The following KSR2 variants were observed in gnomAD, a reference collection of about 807,000 sequenced individuals.
KSR2 encodes kinase suppressor of ras 2.
In KSR2, 25 loss-of-function variants were observed where a neutral mutation model predicts 107.8. The ratio of observed to expected loss-of-function variants is 0.23; its 90% CI spans 0.17 to 0.32. The LOEUF (loss-of-function observed/expected upper bound fraction) is 0.32. Ranked by LOEUF, KSR2 falls within the 10% of genes least tolerant of loss-of-function variation. The pLI is 1.00. For synonymous variants in KSR2, 480 were observed against 507.0 expected (o/e 0.95, Z 0.71); for missense variants, 887 against 1,268.9 (o/e 0.70, Z 4.57).
At chr12:117,887,214 A>G (rs920056424) in intron 1 of KSR2, among the ~76,000 whole-genome samples, 1 of 151,948 alleles carries the variant, frequency 6.6e-6, no homozygotes, top group Non-Finnish European at 1.5e-5. Context: ...CTGAGTCATC[A>G]TGCCCAGCCG....
intron 1 of KSR2, among the ~76,000 whole-genome samples, chr12:117,878,711 G>A (rs1023035151): frequency 6.6e-6 from 1 of 152,138 alleles, no homozygotes; most frequent in South Asian, 2.1e-4. Flanking sequence ...TCCCAGACTC[G>A]AGGTAAGAGC....
chr12:117,522,416 G>T (rs1874814845), intron 14 of KSR2, among the ~76,000 whole-genome samples: 1 of 152,120 alleles, frequency 6.6e-6, no homozygotes. Context: ...GGCCAGGGGT[G>T]GGGAAAAGAC....
chr12:117,730,170 C>T (rs574098040), intron 4 of KSR2, among the ~76,000 whole-genome samples: 12 of 152,198 alleles, frequency 7.9e-5, no homozygotes, highest in African/African-American at 2.4e-4. Context: ...AGGTGGTGGG[C>T]AAGATTTGGG....
chr12:117,914,393 C>T (rs1212456444), intron 1 of KSR2, among the ~76,000 whole-genome samples: 2 of 148,056 alleles, frequency 1.4e-5, no homozygotes, highest in Admixed American at 6.8e-5. Context: ...CACGCCACTG[C>T]ACTCCAGCTT....
chr12:117,608,997 C>G (rs979910310), intron 5 of KSR2, among the ~76,000 whole-genome samples: 3 of 152,152 alleles, frequency 2.0e-5, no homozygotes, highest in African/African-American at 7.2e-5. Context: ...CCACAGGTAG[C>G]AGCCCCTTCC....
In KSR2 at chr12:117,496,853, AT is replaced by A. The variant is rs879774490; in HGVS notation, c.2220-11163del. 4.0e-3 allele frequency among the ~76,000 whole-genome samples: 569 copies of A among 142,970 alleles called. 1 individual carries two copies. The highest frequency in any genetic ancestry group is 0.025 in the South Asian group (109 of 4,428). 93.8% of individuals were successfully genotyped at this position (142,970 alleles called of 152,430 possible). On this transcript the variant is annotated intron_variant, in intron 14 of 19. Coordinates refer to ENST00000339824, the MANE Select transcript of KSR2 (RefSeq NM_173598.6). ...TATCAAATACTAGCACTGAACAGAG[AT>A]TTTTTTTTTTTTTTGAGACAGAGTC...
At chr12:117,480,865 A>G (rs565803748) in intron 16 of KSR2, among the ~76,000 whole-genome samples, 1 of 152,268 alleles carries the variant, frequency 6.6e-6, no homozygotes, top group South Asian at 2.1e-4. Flanking sequence ...TAGGCACCTC[A>G]ACCCAATTCT....
intron 1 of KSR2, among the ~76,000 whole-genome samples, chr12:117,883,018 T>A (rs1461637067): frequency 6.6e-6 from 1 of 151,978 alleles, no homozygotes; most frequent in Non-Finnish European, 1.5e-5. Flanking sequence ...CATCCATCCA[T>A]TCATCCAACC....
intron 3 of KSR2, among the ~76,000 whole-genome samples, chr12:117,794,194 AC>A (rs1318782142): frequency 7.9e-6 from 1 of 126,060 alleles, no homozygotes; most frequent in Non-Finnish European, 1.6e-5. Context: ...ATGCACACAC[AC>A]CATGCACACA....
intron 3 of KSR2, among the ~76,000 whole-genome samples, chr12:117,782,108 T>C (rs545218452): frequency 6.6e-6 from 1 of 152,338 alleles, no homozygotes; most frequent in South Asian, 2.1e-4. Flanking sequence ...CATGTCTTTA[T>C]TGAGTGCATA....
At chr12:117,657,892 G>C (rs955602512) in intron 5 of KSR2, among the ~76,000 whole-genome samples, 2 of 152,208 alleles carry the variant, frequency 1.3e-5, no homozygotes, top group Non-Finnish European at 2.9e-5. Flanking sequence ...GAGGAATGAG[G>C]CATGAAACAA....
chr12:117,582,500 G>A (rs1224910148), intron 5 of KSR2, 141 bp from the exon 6 acceptor site: 7 of 675,436 alleles, frequency 1.0e-5, no homozygotes, highest in African/African-American at 1.8e-5. Flanking sequence ...AAGCCAAGTG[G>A]AACACTGGTT....
chr12:117,654,488 T>C (rs1247670192), intron 5 of KSR2, among the ~76,000 whole-genome samples: 2 of 152,208 alleles, frequency 1.3e-5, no homozygotes, highest in Non-Finnish European at 2.9e-5. Flanking sequence ...GCTGCAGCAC[T>C]ACAGCCCCTT....
chr12:117,924,790 A>C (rs957154202), intron 1 of KSR2, among the ~76,000 whole-genome samples: 1 of 152,288 alleles, frequency 6.6e-6, no homozygotes, highest in African/African-American at 2.4e-5. Flanking sequence ...GAACCTGTAT[A>C]GATCCCAATT....
At chr12:117,818,268 G>A (rs1242563338) in intron 3 of KSR2, among the ~76,000 whole-genome samples, 1 of 152,026 alleles carries the variant, frequency 6.6e-6, no homozygotes, top group African/African-American at 2.4e-5. Context: ...ACTGATCACC[G>A]ATCCTTAATC....
At chr12:117,933,046 T>C (rs1895738110) in intron 1 of KSR2, among the ~76,000 whole-genome samples, 1 of 151,898 alleles carries the variant, frequency 6.6e-6, no homozygotes, top group Admixed American at 6.6e-5. Context: ...AAAAAGATCA[T>C]GCACACCCAA....
At chr12:117,942,435 T>G (rs1393616469) in intron 1 of KSR2, among the ~76,000 whole-genome samples, 1 of 152,028 alleles carries the variant, frequency 6.6e-6, no homozygotes, top group Non-Finnish European at 1.5e-5. Flanking sequence ...ACTATCTCCA[T>G]AAGATGAATT....
intron 1 of KSR2, among the ~76,000 whole-genome samples, chr12:117,930,218 G>C (rs1175557885): frequency 1.3e-5 from 2 of 152,000 alleles, no homozygotes; most frequent in African/African-American, 4.8e-5. Flanking sequence ...ATTTTTAGCA[G>C]AGAAGGGTTT....
rs1158134969 is a variant in KSR2, at chr12:117,456,707, T to G, written c.*10492A>C. On this transcript the variant is annotated 3_prime_UTR_variant, in exon 20 of 20. Coordinates refer to ENST00000339824, the MANE Select transcript of KSR2 (RefSeq NM_173598.6). ...CTGTTACCCTTCCCAATCCTGGGAC[T>G]GCCGGAAGCTCCAGGGATTTGATTC... is the stretch of plus-strand genomic sequence containing the variant. 6.6e-6 allele frequency: 1 copy of G among 152,196 alleles called. No homozygotes were observed. Among genetic ancestry groups the G allele is most frequent in the African/African-American group, 2.4e-5 (1 of 41,428 alleles). The allele number at this position is 152,196 out of a possible 1,614,324, so 9.4% of individuals were successfully genotyped here.
Sources: gnomAD v4.1 joint callset for allele counts (sites outside exome capture counted in the v4.1 genomes callset) on GRCh38, gnomAD v4.1.1 for gene constraint, MANE v1.5 for transcripts, NCBI Gene and HGNC (gene_info 2026-07-23, HGNC 2026-07-21) for gene names.